IFFO1: variants seen among roughly 807,000 people sequenced by gnomAD.
IFFO1 encodes the protein non-homologous end joining factor IFFO1.
IFFO1 carries 42 observed loss-of-function variants against 59.6 expected under a neutral mutation model. The observed-to-expected ratio is 0.70, with a 90% CI of 0.55 to 0.91. IFFO1 has a LOEUF of 0.91. Among genes scored for constraint, IFFO1 ranks in the 40% least tolerant of loss-of-function variants. The pLI, the probability that IFFO1 is intolerant of heterozygous loss-of-function variation, is 0.00. For synonymous variants in IFFO1, 336 were observed against 342.8 expected (o/e 0.98, Z 0.22); for missense variants, 711 against 793.2 (o/e 0.90, Z 1.24).
chr12:6,552,380 C>A (rs1947270081), intron 1 of IFFO1, among the ~76,000 whole-genome samples: 1 of 152,218 alleles, frequency 6.6e-6, no homozygotes, highest in African/African-American at 2.4e-5. Flanking sequence ...CAGCTCCCAG[C>A]CTTCCTGGCT....
At chr12:6,543,328 A>G (rs7132183) in intron 8 of IFFO1, among the ~76,000 whole-genome samples, 54,748 of 152,024 alleles carry the variant, frequency 0.36, 11,019 homozygotes, top group African/African-American at 0.53. Flanking sequence ...GAACCAGGCC[A>G]AATAGCAGGA....
chr12:6,545,458 G>A, intron 8 of IFFO1, among the ~76,000 whole-genome samples: 1 of 152,074 alleles, frequency 6.6e-6, no homozygotes, highest in East Asian at 1.9e-4. Flanking sequence ...CACTTTGGGA[G>A]GCCGAGGTGG....
In IFFO1 at chr12:6,549,251, C is replaced by T; in HGVS notation, c.1080+225G>A. 1 of 630,118 alleles carries T rather than the reference C, an allele frequency of 1.6e-6. No individual in the cohort carries two copies. Among genetic ancestry groups the T allele is most frequent in the South Asian group, 2.0e-5 (1 of 50,594 alleles). 39.0% of individuals were successfully genotyped at this position (630,118 alleles called of 1,614,324 possible). On this transcript the variant is annotated intron_variant, in intron 5 of 9. Coordinates refer to ENST00000619571, the MANE Select transcript of IFFO1 (RefSeq NM_001193457.2). This position sits in a 1 kb window ranked among gnomAD's most constrained non-coding sequence, Gnocchi z 5.0. Reference sequence around the variant, plus strand: ...GTGTGCAATGTGTACAAAAGAGAACCTGAATCACATCCAGATCTGGAAAGC... The same window carrying T: ...GTGTGCAATGTGTACAAAAGAGAACTTGAATCACATCCAGATCTGGAAAGC...
intron 3 of IFFO1, chr12:6,550,374 C>T (rs566088557): frequency 2.8e-5 from 13 of 465,568 alleles, no homozygotes; most frequent in Non-Finnish European, 4.3e-5. Context: ...TATTTCCCCA[C>T]GCCAAAGGTG....
intron 8 of IFFO1, among the ~76,000 whole-genome samples, chr12:6,546,977 T>C (rs1461768655): frequency 2.0e-5 from 3 of 152,134 alleles, no homozygotes; most frequent in Non-Finnish European, 4.4e-5. Flanking sequence ...ATGGCACTGA[T>C]AGTGTTAATA....
intron 8 of IFFO1, among the ~76,000 whole-genome samples, chr12:6,542,254 C>T (rs915282253): frequency 1.3e-5 from 2 of 152,204 alleles, no homozygotes; most frequent in African/African-American, 4.8e-5. Context: ...ATTGGAGGTG[C>T]CATTGATTCT....
chr12:6,548,132 A>G lies in IFFO1; in HGVS notation c.1412T>C (p.Ile471Thr), dbSNP rs373872349. The G allele has an allele frequency of 1.2e-6, 2 of 1,614,078 alleles. No individual in the cohort carries two copies. Among genetic ancestry groups the G allele is most frequent in the Non-Finnish European group, 8.5e-7 (1 of 1,179,960 alleles). ...EQQEDSLEKV[I>T]KDTESLFKTR... is the part of the protein sequence containing the mutation. ...TTTGAACAGGGACTCCGTATCTTTAATCACCTTCTCCAGGCTATCTTCCTG... is the reference window on the plus strand; with the variant it reads ...TTTGAACAGGGACTCCGTATCTTTAGTCACCTTCTCCAGGCTATCTTCCTG... The change falls in exon 8 of 10, where the codon ATT (isoleucine) becomes ACT (threonine). Residue 471 changes from isoleucine (I) to threonine (T), a missense_variant. Physicochemically the swap from Ile to Thr is moderately conservative, Grantham distance 89. This residue lies in a region of IFFO1 where 579 missense variants were observed against 650.3 expected (regional missense o/e 0.89). Transcript: ENST00000619571. This position sits in a 1 kb window ranked among gnomAD's most constrained non-coding sequence, Gnocchi z 6.1.
In IFFO1 at chr12:6,555,253, C is replaced by T; in HGVS notation, c.773+4G>A. The T allele has an allele frequency of 6.2e-7, 1 of 1,614,106 alleles. No individual in the cohort carries two copies. The stretch of plus-strand genomic sequence containing the variant: ...GAGACCTGTCCCCCTTTCCCAATCC[C>T]TACCTCCGCTTGTACTCGTCCCGCT... On this transcript the variant is annotated splice_donor_region_variant and intron_variant, in intron 1 of 9. Transcript: ENST00000619571. The surrounding 1 kb of genome is among the most constrained non-coding windows in gnomAD (Gnocchi z 8.6).
Position 6,549,205 on chromosome 12 carries a change from T to C in IFFO1, c.1080+271A>G. 1.9e-6 allele frequency: 1 copy of C among 519,930 alleles called. No homozygotes were observed. The highest frequency in any genetic ancestry group is 3.4e-6 in the Non-Finnish European group (1 of 296,812). The allele number at this position is 519,930 out of a possible 1,614,324, so 32.2% of individuals were successfully genotyped here. On this transcript the variant is annotated intron_variant, in intron 5 of 9. Coordinates refer to ENST00000619571, the MANE Select transcript of IFFO1 (RefSeq NM_001193457.2). The surrounding 1 kb of genome is among the most constrained non-coding windows in gnomAD (Gnocchi z 5.0). ...ATGACTCAACTAAAAAAAAAAAAGCTTTAGGACGCAAGGAGGATGAGTGTG... is the reference window on the plus strand; with the variant it reads ...ATGACTCAACTAAAAAAAAAAAAGCCTTAGGACGCAAGGAGGATGAGTGTG...
intron 3 of IFFO1, chr12:6,550,118 C>T (rs1481430700): frequency 6.0e-6 from 3 of 498,408 alleles, no homozygotes; most frequent in Non-Finnish European, 1.1e-5. Context: ...TGCTCCCTGG[C>T]CAAACGGAAG....
Position 6,549,477 on chromosome 12 carries a change from A to T in IFFO1, c.1079T>A (p.Leu360Gln), listed in dbSNP as rs756035596. The change falls in exon 5 of 10, where the codon CTG (leucine) becomes CAG (glutamine). Residue 360 changes from leucine (L) to glutamine (Q), a missense_variant and splice_region_variant. Leu to Gln is a moderately radical substitution (Grantham distance 113). Transcript: ENST00000619571. This position sits in a 1 kb window ranked among gnomAD's most constrained non-coding sequence, Gnocchi z 5.0. ...EDMIQMFQKK[L>Q]SLHLSPIKVP... Reference sequence around the variant, plus strand: ...AAGCTTGCGTGAGATCAAACTAACCAGCTTCTTCTGTGGAGGAAGCAAGAG... The same window carrying T: ...AAGCTTGCGTGAGATCAAACTAACCTGCTTCTTCTGTGGAGGAAGCAAGAG... 6.8e-6 allele frequency: 11 copies of T among 1,613,512 alleles called. No individual in the cohort carries two copies. The highest frequency in any genetic ancestry group is 9.3e-6 in the Non-Finnish European group (11 of 1,179,466).
Position 6,548,376 on chromosome 12 carries a change from G to A in IFFO1, c.1383+49C>T. 6.3e-7 allele frequency: 1 copy of A among 1,575,382 alleles called. No individual in the cohort carries two copies. Among genetic ancestry groups the A allele is most frequent in the Non-Finnish European group, 8.6e-7 (1 of 1,161,064 alleles). On this transcript the variant is annotated intron_variant, in intron 7 of 9. Coordinates refer to ENST00000619571, the MANE Select transcript of IFFO1 (RefSeq NM_001193457.2). This position sits in a 1 kb window ranked among gnomAD's most constrained non-coding sequence, Gnocchi z 6.1. The stretch of plus-strand genomic sequence containing the variant: ...GAGAGGAGCGGGGGAGTGGGCTTCA[G>A]GCTGGAGAGGCAGAGCCAGAGGGCC...
chr12:6,550,642 T>C, intron 3 of IFFO1, 53 bp downstream of exon 3: 12 of 1,412,212 alleles, frequency 8.5e-6, no homozygotes, highest in Non-Finnish European at 1.2e-5. Flanking sequence ...GGCCTACTCT[T>C]CTGGCCTCAG....
rs763455382 is a variant in IFFO1 at position 6,541,637 on chromosome 12, C to T, written c.1485G>A (p.Glu495=). The T allele has an allele frequency of 6.2e-7, 1 of 1,614,122 alleles. No individual in the cohort carries two copies. The highest frequency in any genetic ancestry group is 1.1e-5 in the South Asian group (1 of 91,090). ...TCATGTCGTTCTTGGCCGTGGCCAACTCCAGCTGTGGTGGGGCAGGCAGGG... is the reference window on the plus strand; with the variant it reads ...TCATGTCGTTCTTGGCCGTGGCCAATTCCAGCTGTGGTGGGGCAGGCAGGG... ...YQETIDQIEL[E]LATAKNDMNR... is the part of the protein sequence containing the mutation. Residue 495 remains glutamate, a synonymous_variant, in exon 9 of 10, where the codon GAG becomes GAA. Coordinates refer to ENST00000619571, the MANE Select transcript of IFFO1 (RefSeq NM_001193457.2). The surrounding 1 kb of genome is among the most constrained non-coding windows in gnomAD (Gnocchi z 4.8).
At chr12:6,550,186 G>A (rs368442896) in intron 3 of IFFO1, 11 of 403,582 alleles carry the variant, frequency 2.7e-5, no homozygotes, top group East Asian at 4.0e-5. Context: ...AACGACTAGC[G>A]GTCCTCATCC....
chr12:6,544,379 G>A (rs1164740036), intron 8 of IFFO1, among the ~76,000 whole-genome samples: 1 of 152,124 alleles, frequency 6.6e-6, no homozygotes, highest in Non-Finnish European at 1.5e-5. Context: ...TTGGTGGCCA[G>A]GCTGGTCTCA....
rs1946597973 is a variant in IFFO1 at position 6,539,554 on chromosome 12, T to C, written c.*929A>G. ...GCACAATAAATACTCGCCAGTTTCATTATTATTAAAGAATCCATTTGAATG... is the reference window on the plus strand; with the variant it reads ...GCACAATAAATACTCGCCAGTTTCACTATTATTAAAGAATCCATTTGAATG... On this transcript the variant is annotated 3_prime_UTR_variant, in exon 10 of 10. Transcript: ENST00000619571. 1.3e-5 allele frequency: 2 copies of C among 152,142 alleles called. No homozygotes were observed. The highest frequency in any genetic ancestry group is 4.1e-4 in the South Asian group (2 of 4,838). 9.4% of individuals were successfully genotyped at this position (152,142 alleles called of 1,614,324 possible). A position where few individuals can be genotyped will look rare whatever the true frequency, so the allele number is the denominator to read the frequency against.
At chr12:6,550,833 T>C (rs1332252797) in intron 2 of IFFO1, 43 bp from the exon 3 acceptor site, 2 of 1,605,254 alleles carry the variant, frequency 1.2e-6, no homozygotes, top group South Asian at 2.2e-5. Flanking sequence ...ACTGCCGAGG[T>C]GGGAGGAAGA....
rs1237569227 is a variant in IFFO1, at chr12:6,549,768, G to A, written c.1059C>T (p.Ile353=). The A allele has an allele frequency of 5.0e-6, 8 of 1,613,516 alleles. No homozygotes were observed. The African/African-American group carries it at 8.0e-5, about 16-fold the overall frequency. ...GCTCCGTCCTCACCTGGAACATCTG[G>A]ATCATGTCCTCGCAGTTGCGCTGCT... ...VAQQRNCEDM[I]QMFQKKLSLH... is the part of the protein sequence containing the mutation. Residue 353 remains isoleucine, a synonymous_variant, in exon 4 of 10, where the codon ATC becomes ATT. Coordinates refer to ENST00000619571, the MANE Select transcript of IFFO1 (RefSeq NM_001193457.2). The surrounding 1 kb of genome is among the most constrained non-coding windows in gnomAD (Gnocchi z 5.0).
Sources: allele counts gnomAD v4.1 joint callset (sites outside exome capture counted in the v4.1 genomes callset), GRCh38; gene constraint gnomAD v4.1.1; regional missense constraint gnomAD v4.1.1; non-coding constraint Gnocchi (gnomAD v3.1); transcripts MANE v1.5; gene names NCBI Gene and HGNC (gene_info 2026-07-23, HGNC 2026-07-21).